The following ZNF536 variants were observed in gnomAD, a reference collection of about 807,000 sequenced individuals.
ZNF536 encodes zinc finger protein 536.
ZNF536 carries 13 observed loss-of-function variants against 84.5 expected under a neutral mutation model. The ratio of observed to expected loss-of-function variants is 0.15; its 90% CI spans 0.10 to 0.24. ZNF536 has a LOEUF of 0.24. ZNF536 is among the 10% of genes least tolerant of loss of function. The pLI is 1.00. For missense variants in ZNF536, 1,536 were observed against 1,747.5 expected (o/e 0.88, Z 2.16); for synonymous variants, 811 against 742.5 (o/e 1.09, Z -1.50).
downstream of ZNF536, among the ~76,000 whole-genome samples, chr19:30,563,029 T>A (rs1029963451): frequency 2.6e-5 from 4 of 152,194 alleles, no homozygotes; most frequent in Non-Finnish European, 2.9e-5. Context: ...CTTAAGAGAA[T>A]AAAGTGAATA....
intron 3 of ZNF536, among the ~76,000 whole-genome samples, chr19:30,537,040 G>T: frequency 6.6e-6 from 1 of 152,108 alleles, no homozygotes; most frequent in East Asian, 1.9e-4. Flanking sequence ...GACACACCAT[G>T]CATTTGTATT....
chr19:30,290,670 T>C (rs2045806062), intron 2 of ZNF536, among the ~76,000 whole-genome samples: 1 of 152,212 alleles, frequency 6.6e-6, no homozygotes, highest in African/African-American at 2.4e-5. Context: ...GGTTTATATG[T>C]TTCTTTTTTA....
chr19:30,654,273 A>T (rs1411922675), intron 1 of ZNF536, among the ~76,000 whole-genome samples: 2 of 152,126 alleles, frequency 1.3e-5, no homozygotes, highest in Non-Finnish European at 2.9e-5. Context: ...CCGGCATAGT[A>T]ATCACCCAGT....
intron 1 of ZNF536, among the ~76,000 whole-genome samples, chr19:30,700,682 C>A (rs2051903417): frequency 6.6e-6 from 1 of 152,124 alleles, no homozygotes; most frequent in African/African-American, 2.4e-5. Context: ...CCTCCCGTGG[C>A]CCTGAATTTT....
chr19:30,636,312 C>A (rs2049062752), intron 1 of ZNF536, among the ~76,000 whole-genome samples: 1 of 152,142 alleles, frequency 6.6e-6, no homozygotes, highest in Admixed American at 6.5e-5. Flanking sequence ...GATGGGTGAT[C>A]ATCTCCCCCA....
chr19:30,518,457 T>C (rs559133035), intron 2 of ZNF536, among the ~76,000 whole-genome samples: 1 of 152,328 alleles, frequency 6.6e-6, no homozygotes, highest in African/African-American at 2.4e-5. Context: ...AACACATAGA[T>C]GAGGAAATGT....
chr19:30,639,699 T>C (rs2049195030), intron 1 of ZNF536, among the ~76,000 whole-genome samples: 1 of 152,206 alleles, frequency 6.6e-6, no homozygotes. Context: ...GTGTGCGGGG[T>C]GCTTATCAGG....
chr19:30,432,664 C>T (rs2051528354), intron 1 of ZNF536, among the ~76,000 whole-genome samples: 1 of 152,184 alleles, frequency 6.6e-6, no homozygotes, highest in South Asian at 2.1e-4. Context: ...GAGCTTTGAC[C>T]TTCCGATGTT....
chr19:30,521,804 G>A (rs73024893), intron 2 of ZNF536, among the ~76,000 whole-genome samples: 14,693 of 152,092 alleles, frequency 0.097, 976 homozygotes, highest in Non-Finnish European at 0.15. Context: ...TGCTAACCGC[G>A]GTGATAACTG....
At position 30,663,632 on chromosome 19, in the gene ZNF536, T is replaced by C. The variant is rs552081710; in HGVS notation, c.170-47125T>C. 6.6e-4 allele frequency among the ~76,000 whole-genome samples: 101 copies of C among 152,346 alleles called. No individual in the cohort carries two copies. The South Asian group carries it at 0.021, about 32-fold the overall frequency. ...TTTCTAATCTATTTTTACTGCCTTG[T>C]TCTGTCCTGAAATGTCAAAGAGTGC... On this transcript the variant is annotated intron_variant, in intron 1 of 1. Transcript: ENST00000592773.
At chr19:30,687,102 G>A (rs1269464832) in intron 1 of ZNF536, among the ~76,000 whole-genome samples, 1 of 152,194 alleles carries the variant, frequency 6.6e-6, no homozygotes. Context: ...TGTACAGACA[G>A]AGTTGTGTAT....
intron 2 of ZNF536, among the ~76,000 whole-genome samples, chr19:30,485,382 A>G (rs1182664731): frequency 6.6e-6 from 1 of 152,170 alleles, no homozygotes; most frequent in Non-Finnish European, 1.5e-5. Flanking sequence ...TTGTGCAACC[A>G]TCACCACAAT....
intron 1 of ZNF536, among the ~76,000 whole-genome samples, chr19:30,655,681 C>A (rs62103451): frequency 6.6e-6 from 1 of 152,118 alleles, no homozygotes; most frequent in Non-Finnish European, 1.5e-5. Flanking sequence ...ACAGATTTAT[C>A]CAAGGGAGGA....
chr19:30,617,701 C>G (rs1041793822), intron 1 of ZNF536, among the ~76,000 whole-genome samples: 1 of 152,056 alleles, frequency 6.6e-6, no homozygotes, highest in Non-Finnish European at 1.5e-5. Flanking sequence ...ATATCTTTAA[C>G]CCCTATGCCA....
At chr19:30,321,554 T>A (rs532257708) in intron 2 of ZNF536, among the ~76,000 whole-genome samples, 1 of 152,078 alleles carries the variant, frequency 6.6e-6, no homozygotes, top group East Asian at 1.9e-4. Flanking sequence ...CGAGACTCTG[T>A]CTTAAAAAAA....
intron 3 of ZNF536, among the ~76,000 whole-genome samples, chr19:30,543,850 T>G (rs2045435600): frequency 6.6e-6 from 1 of 151,992 alleles, no homozygotes. Context: ...ATGTTTCCAG[T>G]GGAGCACAAG....
At chr19:30,684,833 G>A (rs181699100) in intron 1 of ZNF536, among the ~76,000 whole-genome samples, 36 of 152,256 alleles carry the variant, frequency 2.4e-4, no homozygotes, top group Admixed American at 1.4e-3. Context: ...ACCTGATCCC[G>A]GGCTGAACAG....
chr19:30,473,990 G>C (rs765981727), intron 2 of ZNF536, among the ~76,000 whole-genome samples: 8 of 152,218 alleles, frequency 5.3e-5, no homozygotes, highest in Non-Finnish European at 8.8e-5. Flanking sequence ...AAAGCTGTTA[G>C]GATGAGATGA....
chr19:30,470,577 C>T (rs1260012297), intron 2 of ZNF536, among the ~76,000 whole-genome samples: 1 of 151,814 alleles, frequency 6.6e-6, no homozygotes, highest in Non-Finnish European at 1.5e-5. Context: ...TCCGACCCCA[C>T]ACCTCCCCCA....
Sources: gnomAD v4.1 joint callset for allele counts (sites outside exome capture counted in the v4.1 genomes callset) on GRCh38, gnomAD v4.1.1 for gene constraint, MANE v1.5 for transcripts, NCBI Gene and HGNC (gene_info 2026-07-23, HGNC 2026-07-21) for gene names.